Variants in UGT1A8 observed in about 807,000 individuals in gnomAD.
UGT1A8 encodes UDP-glucuronosyltransferase 1A8.
Under a neutral mutation model 45.3 loss-of-function variants are expected in UGT1A8, and 39 were observed. The observed-to-expected ratio is 0.86, with a 90% CI of 0.67 to 1.12. The LOEUF (loss-of-function observed/expected upper bound fraction) is 1.12, where lower values mean the gene tolerates loss of function less well. UGT1A8 is among the 50% of genes most tolerant of loss of function. The probability of loss-of-function intolerance (pLI) is 0.00; values close to 1 mark genes in which losing one functional copy is unlikely to be tolerated. For missense variants in UGT1A8, 719 were observed against 664.9 expected (o/e 1.08, Z -0.90); for synonymous variants, 275 against 249.2 (o/e 1.10, Z -0.97).
chr2:233,755,424 C>T (rs976220166), intron 1 of UGT1A8: 1 of 319,328 alleles, frequency 3.1e-6, no homozygotes, highest in East Asian at 8.3e-5. Flanking sequence ...GTGAGCGCCT[C>T]GCATCCCAAG....
chr2:233,697,449 T>C (rs2075391490), intron 1 of UGT1A8, among the ~76,000 whole-genome samples: 1 of 152,002 alleles, frequency 6.6e-6, no homozygotes, highest in Non-Finnish European at 1.5e-5. Flanking sequence ...TGATTTTATC[T>C]GAGTGTTTTC....
At chr2:233,708,713 T>G (rs1289460681) in intron 1 of UGT1A8, 1 of 152,206 alleles carries the variant, frequency 6.6e-6, no homozygotes, top group Non-Finnish European at 1.5e-5. Flanking sequence ...TTTGCATCAT[T>G]GCACCTCAGC....
At chr2:233,751,100 G>T (rs895970679) in intron 1 of UGT1A8, among the ~76,000 whole-genome samples, 1 of 151,922 alleles carries the variant, frequency 6.6e-6, no homozygotes, top group Non-Finnish European at 1.5e-5. Flanking sequence ...GGAGGGCTTT[G>T]CCCTGCAAGC....
chr2:233,700,901 T>A (rs940046248), intron 1 of UGT1A8, among the ~76,000 whole-genome samples: 32 of 151,466 alleles, frequency 2.1e-4, no homozygotes, highest in Admixed American at 2.1e-3. Context: ...GTCCCCGGTG[T>A]GTGACGTTCC....
intron 1 of UGT1A8, among the ~76,000 whole-genome samples, chr2:233,725,759 T>G (rs1335520276): frequency 6.6e-6 from 1 of 152,194 alleles, no homozygotes; most frequent in Non-Finnish European, 1.5e-5. Context: ...GACTTACATT[T>G]TCTTCACATA....
At chr2:233,646,885 C>T (rs2073618776) in intron 1 of UGT1A8, among the ~76,000 whole-genome samples, 1 of 152,208 alleles carries the variant, frequency 6.6e-6, no homozygotes, top group African/African-American at 2.4e-5. Flanking sequence ...TAGCAATCCA[C>T]TCTACTGGTA....
rs1700557199 is a variant in UGT1A8 at position 233,772,921 on chromosome 2, GT to G, written c.*366del. ...ACGGCTGCCCCTACTGCAAATGGCA[GT>G]TTTAATCTTATCTTTTGGCTTCTGC... On this transcript the variant is annotated 3_prime_UTR_variant, in exon 5 of 5. Coordinates refer to ENST00000373450, the MANE Select transcript of UGT1A8 (RefSeq NM_019076.5). 2.7e-6 allele frequency: 1 copy of G among 366,684 alleles called. No individual in the cohort carries two copies. The highest frequency in any genetic ancestry group is 2.1e-5 in the African/African-American group (1 of 47,608). 22.7% of individuals were successfully genotyped at this position (366,684 alleles called of 1,614,324 possible). A position where few individuals can be genotyped will look rare whatever the true frequency, so the allele number is the denominator to read the frequency against.
At chr2:233,763,225 G>A (rs537625266) in intron 1 of UGT1A8, among the ~76,000 whole-genome samples, 20 of 152,258 alleles carry the variant, frequency 1.3e-4, no homozygotes, top group African/African-American at 4.3e-4. Context: ...GTGAAAATAT[G>A]TTTTTAAATT....
intron 1 of UGT1A8, among the ~76,000 whole-genome samples, chr2:233,709,785 C>T (rs1208150066): frequency 2.0e-5 from 3 of 152,036 alleles, no homozygotes; most frequent in East Asian, 1.9e-4. Context: ...TAAAGTGCAC[C>T]GTTTTAATGA....
rs753419237 is a variant in UGT1A8, at chr2:233,719,511, T to C, written c.856-47523T>C. The C allele has an allele frequency of 5.6e-6, 9 of 1,613,954 alleles. No individual in the cohort carries two copies. The South Asian group carries it at 8.8e-5, about 16-fold the overall frequency. On this transcript the variant is annotated intron_variant, in intron 1 of 4. Coordinates refer to ENST00000373450, the MANE Select transcript of UGT1A8 (RefSeq NM_019076.5). ...CATTTGCCATACTTTTTCTGCCCCTTATGCAAGTCTTGCCTCTGAGCTTTT... is the reference window on the plus strand; with the variant it reads ...CATTTGCCATACTTTTTCTGCCCCTCATGCAAGTCTTGCCTCTGAGCTTTT...
At chr2:233,666,454 C>T (rs534336216) in intron 1 of UGT1A8, among the ~76,000 whole-genome samples, 12 of 152,138 alleles carry the variant, frequency 7.9e-5, no homozygotes, top group Admixed American at 2.0e-4. Flanking sequence ...TTATCTTGAA[C>T]GTCTTTACAT....
intron 1 of UGT1A8, among the ~76,000 whole-genome samples, chr2:233,765,768 G>T (rs35640782): frequency 0.021 from 3,251 of 152,014 alleles, 121 homozygotes; most frequent in African/African-American, 0.073. Flanking sequence ...ATTCTTGGGG[G>T]ATTCATTGGA....
rs1298100322 is a variant in UGT1A8, at chr2:233,656,043, G to A, written c.855+37481G>A. Among the ~76,000 whole-genome samples, 6 of 152,110 alleles carry A rather than the reference G, an allele frequency of 3.9e-5. No homozygotes were observed. In the East Asian group the frequency reaches 7.7e-4, roughly 20 times the overall value. On this transcript the variant is annotated intron_variant, in intron 1 of 4. Coordinates refer to ENST00000373450, the MANE Select transcript of UGT1A8 (RefSeq NM_019076.5). ...GACCTCTGGCAAATACCAGAGACAG[G>A]CCCTTGAAAGGAGAAGGGATGGGGT...
rs1263602831 is a variant in UGT1A8, at chr2:233,628,824, C to T, written c.855+10262C>T. Among the ~76,000 whole-genome samples, 4 of 152,032 alleles carry T rather than the reference C, an allele frequency of 2.6e-5. No homozygotes were observed. The East Asian group carries it at 7.7e-4, about 29-fold the overall frequency. On this transcript the variant is annotated intron_variant, in intron 1 of 4. Coordinates refer to ENST00000373450, the MANE Select transcript of UGT1A8 (RefSeq NM_019076.5). The stretch of plus-strand genomic sequence containing the variant: ...TTGTTGAGAATTTTTTATCACAAAT[C>T]GATTTTGGATTTTTGTCAAACACTT...
chr2:233,724,165 C>CA (rs1189702988), intron 1 of UGT1A8, among the ~76,000 whole-genome samples: 1 of 112,674 alleles, frequency 8.9e-6, no homozygotes. Flanking sequence ...GGGGGGCTGA[C>CA]CCCCCCATCT....
intron 1 of UGT1A8, among the ~76,000 whole-genome samples, chr2:233,637,579 A>G (rs536864837): frequency 5.3e-5 from 8 of 152,340 alleles, no homozygotes; most frequent in Non-Finnish European, 5.9e-5. Context: ...ATATGTAATA[A>G]TTTAAAAATT....
In UGT1A8 at chr2:233,618,258, C is replaced by T. The variant is rs750639340; in HGVS notation, c.551C>T (p.Pro184Leu). 1.2e-6 allele frequency: 2 copies of T among 1,613,944 alleles called. No homozygotes were observed. Among genetic ancestry groups the T allele is most frequent in the East Asian group, 4.5e-5 (2 of 44,882 alleles). Residue 184 changes from proline (P) to leucine (L), a missense_variant, in exon 1 of 5, where the codon CCT becomes CTT. By Grantham distance (98) the Pro-to-Leu change is moderately conservative. Transcript: ENST00000373450. ...TATCTTGAAGAAGGTGCACAGTGCCCTGCTCCTCTTTCCTATGTCCCCAGA... is the reference window on the plus strand; with the variant it reads ...TATCTTGAAGAAGGTGCACAGTGCCTTGCTCCTCTTTCCTATGTCCCCAGA... ...CHYLEEGAQC[P>L]APLSYVPRIL...
intron 1 of UGT1A8, chr2:233,692,907 G>A: frequency 6.4e-7 from 1 of 1,552,706 alleles, no homozygotes; most frequent in Non-Finnish European, 8.7e-7. Context: ...GACAGGACCT[G>A]TGAAAAGCAG....
chr2:233,682,124 A>G (rs1157843682), intron 1 of UGT1A8: 2 of 1,614,078 alleles, frequency 1.2e-6, no homozygotes, highest in African/African-American at 1.3e-5. Context: ...GCCAGAGGTG[A>G]GTTGGCAACT....
Sources: allele counts gnomAD v4.1 joint callset (sites outside exome capture counted in the v4.1 genomes callset), GRCh38; gene constraint gnomAD v4.1.1; transcripts MANE v1.5; gene names NCBI Gene and HGNC (gene_info 2026-07-23, HGNC 2026-07-21).